Variants in HEG1 observed in about 807,000 individuals in gnomAD.
HEG1 encodes the protein protein HEG homolog 1.
HEG1 carries 56 observed loss-of-function variants against 125.6 expected under a neutral mutation model. That is an observed-to-expected ratio of 0.45 (90% CI 0.36 to 0.56). The LOEUF (loss-of-function observed/expected upper bound fraction) is 0.56. Ranked by LOEUF, HEG1 falls within the 20% of genes least tolerant of loss-of-function variation. The pLI, the probability that HEG1 is intolerant of heterozygous loss-of-function variation, is 0.00. For synonymous variants in HEG1, 644 were observed against 668.5 expected (o/e 0.96, Z 0.57); for missense variants, 1,523 against 1,670.0 (o/e 0.91, Z 1.53).
intron 7 of HEG1, among the ~76,000 whole-genome samples, 173 bp from the exon 8 acceptor site, chr3:125,009,997 G>A (rs1044121452): frequency 6.6e-6 from 1 of 152,206 alleles, no homozygotes; most frequent in Admixed American, 6.5e-5. Flanking sequence ...TGAGGGTGGA[G>A]GTGGCCACAT....
At chr3:125,030,222 C>T (rs1937478749) in intron 1 of HEG1, among the ~76,000 whole-genome samples, 1 of 152,120 alleles carries the variant, frequency 6.6e-6, no homozygotes, top group Non-Finnish European at 1.5e-5. Flanking sequence ...AGCCCTTGAC[C>T]CTGACACCTA....
intron 4 of HEG1, 64 bp from the exon 5 acceptor site, chr3:125,019,661 A>G: frequency 7.6e-7 from 1 of 1,315,258 alleles, no homozygotes; most frequent in Admixed American, 2.0e-5. Context: ...TTGGCAACTA[A>G]GAAGTGAGAC....
At chr3:124,973,952 G>A in intron 15 of HEG1, 47 bp from the exon 16 acceptor site, 1 of 1,331,422 alleles carries the variant, frequency 7.5e-7, no homozygotes. Context: ...GTAAAGAAGT[G>A]ATACTGTGAA....
chr3:125,040,154 TG>T (rs1560034578), intron 1 of HEG1, among the ~76,000 whole-genome samples: 1 of 152,186 alleles, frequency 6.6e-6, no homozygotes, highest in East Asian at 1.9e-4. Context: ...ATGTGACGTT[TG>T]GGGTGATGTT....
Position 125,029,445 on chromosome 3 carries a change from A to T in HEG1, c.360T>A (p.His120Gln). ...TCTGATAGAAGGTGATGTTTTCTAC[A>T]TGGGCCTCAGTGTTACTTTCTGGCC... is the stretch of plus-strand genomic sequence containing the variant. ...KHWPESNTEAHVENITFYQNQ... is the reference protein window; with the variant it reads ...KHWPESNTEAQVENITFYQNQ... Residue 120 changes from histidine to glutamine, a missense_variant, in exon 2 of 17, where the codon CAT becomes CAA. Coordinates refer to ENST00000311127, the MANE Select transcript of HEG1 (RefSeq NM_020733.2). 1.2e-6 allele frequency: 2 copies of T among 1,602,844 alleles called. No homozygotes were observed. Among genetic ancestry groups the T allele is most frequent in the Non-Finnish European group, 1.7e-6 (2 of 1,179,692 alleles).
Position 125,013,396 on chromosome 3 carries a change from G to C in HEG1, c.2183C>G (p.Ser728Cys). The change falls in exon 6 of 17, where the codon TCT (serine) becomes TGT (cysteine). Residue 728 changes from serine to cysteine, a missense_variant. Physicochemically the swap from Ser to Cys is moderately radical, Grantham distance 112. Coordinates refer to ENST00000311127, the MANE Select transcript of HEG1 (RefSeq NM_020733.2). The part of the protein sequence containing the change: ...PLPVSLTTST[S>C]APLSVSQTTL... ...TGTTTGTGAGACAGAAAGTGGGGCA[G>C]ATGTAGATGTCGTTAAGGATACTGG... 1 of 1,614,034 alleles carries C rather than the reference G, an allele frequency of 6.2e-7. No homozygotes were observed. Among genetic ancestry groups the C allele is most frequent in the Non-Finnish European group, 8.5e-7 (1 of 1,179,884 alleles).
chr3:125,022,454 C>G lies in HEG1; in HGVS notation c.914-1324G>C, dbSNP rs184278170. Among the ~76,000 whole-genome samples the G allele has an allele frequency of 9.2e-5, 14 of 151,636 alleles. No homozygotes were observed. In the East Asian group the frequency reaches 2.7e-3, roughly 29 times the overall value. ...GCATGGGAAACAAAAAGGTTCCTCT[C>G]ATTCTTGTGCAAAACCATAAAACCA... On this transcript the variant is annotated intron_variant, in intron 3 of 16. Transcript: ENST00000311127.
chr3:124,998,277 G>A (rs1029870658), intron 11 of HEG1, among the ~76,000 whole-genome samples: 3 of 152,210 alleles, frequency 2.0e-5, no homozygotes, highest in East Asian at 1.9e-4. Flanking sequence ...CCTGTTTCAA[G>A]TGGAAGTACA....
intron 14 of HEG1, among the ~76,000 whole-genome samples, chr3:124,985,274 A>G (rs1341012923): frequency 1.3e-5 from 2 of 152,164 alleles, no homozygotes; most frequent in Non-Finnish European, 2.9e-5. Context: ...TGGTGAACAT[A>G]GTGTTTAATG....
At chr3:125,007,189 A>G (rs993886032) in intron 8 of HEG1, among the ~76,000 whole-genome samples, 1 of 127,884 alleles carries the variant, frequency 7.8e-6, no homozygotes, top group African/African-American at 3.2e-5. Context: ...ACAGAGCGAG[A>G]CTCCGTCTCA....
chr3:125,045,554 G>A (rs1316001866), intron 1 of HEG1, among the ~76,000 whole-genome samples: 1 of 152,196 alleles, frequency 6.6e-6, no homozygotes, highest in African/African-American at 2.4e-5. Context: ...AGAAGAGATG[G>A]GAAAGCGTTA....
chr3:124,977,998 G>T, intron 14 of HEG1, 52 bp from the exon 15 acceptor site: 3 of 1,357,024 alleles, frequency 2.2e-6, no homozygotes, highest in South Asian at 1.3e-5. Context: ...ATGAAGGAAT[G>T]AGTGAGTTCT....
intron 3 of HEG1, among the ~76,000 whole-genome samples, chr3:125,023,060 G>C (rs529500928): frequency 5.6e-4 from 86 of 152,270 alleles, no homozygotes; most frequent in African/African-American, 2.1e-3. Flanking sequence ...CGGCTGTGGT[G>C]GTGGGTGCCT....
Position 125,013,672 on chromosome 3 carries a change from T to G in HEG1, c.1907A>C (p.Tyr636Ser), listed in dbSNP as rs1160792330. ...PVLHTSNLPSYTPTINMPNTS... is the reference protein window; with the variant it reads ...PVLHTSNLPSSTPTINMPNTS... ...GTTCGGCATATTAATGGTGGGTGTG[T>G]AGGACGGAAGGTTGGATGTATGCAG... is the stretch of plus-strand genomic sequence containing the variant. The change falls in exon 6 of 17, where the codon TAC (tyrosine) becomes TCC (serine). Residue 636 changes from tyrosine (Y) to serine (S), a missense_variant. Transcript: ENST00000311127. 8 of 1,613,630 alleles carry G rather than the reference T, an allele frequency of 5.0e-6. No individual in the cohort carries two copies. In the Admixed American group the frequency reaches 1.3e-4, roughly 27 times the overall value.
chr3:124,974,030 C>T (rs1936492442), intron 15 of HEG1, 125 bp from the exon 16 acceptor site: 1 of 648,010 alleles, frequency 1.5e-6, no homozygotes, highest in Non-Finnish European at 2.6e-6. Flanking sequence ...TGTAGCTGCC[C>T]ACTGAGTAGT....
At chr3:124,987,789 A>G (rs58722376) in intron 14 of HEG1, among the ~76,000 whole-genome samples, 103,509 of 149,834 alleles carry the variant, frequency 0.69, 35,810 homozygotes, top group Middle Eastern at 0.76. Flanking sequence ...CAAAGTGCTG[A>G]GATTACAGGC....
intron 1 of HEG1, among the ~76,000 whole-genome samples, chr3:125,047,377 T>C (rs898534057): frequency 1.3e-5 from 2 of 152,238 alleles, no homozygotes; most frequent in Non-Finnish European, 2.9e-5. Context: ...CACCTCTCCA[T>C]TCTGCGCAGG....
Position 125,055,966 on chromosome 3 carries a change from GGGC to G in HEG1, c.-79_-77del. The G allele has an allele frequency of 2.5e-6, 2 of 791,050 alleles. No individual in the cohort carries two copies. Among genetic ancestry groups the G allele is most frequent in the Non-Finnish European group, 3.1e-6 (2 of 654,152 alleles). The allele number at this position is 791,050 out of a possible 1,614,324, so 49.0% of individuals were successfully genotyped here. ...GCGGGCAGCGGGCAGCGGGCGGCGG[GGGC>G]CGCGCGGGGCCGGGGAAGTGAGCGG... On this transcript the variant is annotated 5_prime_UTR_variant, in exon 1 of 17. Transcript: ENST00000311127.
chr3:125,004,633 G>C (rs759813244), intron 9 of HEG1, among the ~76,000 whole-genome samples: 1 of 151,798 alleles, frequency 6.6e-6, no homozygotes, highest in Non-Finnish European at 1.5e-5. Flanking sequence ...GGGACCACAC[G>C]TGCACGCCAC....
Sources: gnomAD v4.1 joint callset for allele counts (sites outside exome capture counted in the v4.1 genomes callset) on GRCh38, gnomAD v4.1.1 for gene constraint, MANE v1.5 for transcripts, NCBI Gene and HGNC (gene_info 2026-07-23, HGNC 2026-07-21) for gene names.